Variants in TGM6 observed in about 807,000 individuals in gnomAD.
TGM6 encodes the protein protein-glutamine gamma-glutamyltransferase 6.
A neutral mutation model predicts 77.5 loss-of-function variants in TGM6; 74 were observed. The ratio of observed to expected loss-of-function variants is 0.96; its 90% CI spans 0.79 to 1.16. TGM6 has a LOEUF of 1.16. Ranked by LOEUF, TGM6 falls within the 50% of genes most tolerant of loss-of-function variation. The pLI is 0.00. For synonymous variants in TGM6, 383 were observed against 378.9 expected (o/e 1.01, Z -0.12); for missense variants, 968 against 940.2 (o/e 1.03, Z -0.39).
In TGM6 at chr20:2,398,007, C is replaced by T; in HGVS notation, c.633C>T (p.Arg211=). 1 of 1,614,168 alleles carries T rather than the reference C, an allele frequency of 6.2e-7. No individual in the cohort carries two copies. The change falls in exon 5 of 13, where the codon CGC becomes CGT. Residue 211 remains arginine (R), a synonymous_variant. Coordinates refer to ENST00000202625, the MANE Select transcript of TGM6 (RefSeq NM_198994.3). The part of the protein sequence containing the change: ...QNNPATDVSC[R]HNPIYVTRVI... ...ACCCAGCCACCGACGTGTCCTGCCG[C>T]CACAACCCCATCTACGTCACCAGGG... is the stretch of plus-strand genomic sequence containing the variant.
Position 2,417,283 on chromosome 20 carries a change from G to T in TGM6, c.1388G>T (p.Gly463Val). 1 of 1,611,586 alleles carries T rather than the reference G, an allele frequency of 6.2e-7. No homozygotes were observed. The highest frequency in any genetic ancestry group is 8.5e-7 in the Non-Finnish European group (1 of 1,178,988). ...VYSKAVNRLF[G>V]VEASGRRIWI... is the part of the protein sequence containing the mutation. ...AGCAAGGCGGTGAACAGGCTGTTCG[G>T]CGTGGAAGCCTCTGGAAGGAGAATC... Residue 463 changes from glycine (G) to valine (V), a missense_variant, in exon 10 of 13, where the codon GGC becomes GTC. Gly to Val is a moderately radical substitution (Grantham distance 109). Coordinates refer to ENST00000202625, the MANE Select transcript of TGM6 (RefSeq NM_198994.3).
chr20:2,399,595 G>A lies in TGM6; in HGVS notation c.707G>A (p.Gly236Glu), dbSNP rs562062418. 6.2e-7 allele frequency: 1 copy of A among 1,613,474 alleles called. No homozygotes were observed. Among genetic ancestry groups the A allele is most frequent in the Non-Finnish European group, 8.5e-7 (1 of 1,179,976 alleles). ...NSNNDRGVVQ[G>E]QWQGKYGGGT... Reference sequence around the variant, plus strand: ...AACAACGACCGAGGTGTGGTGCAAGGACAGTGGCAGGGCAAGTACGGCGGC... The same window carrying A: ...AACAACGACCGAGGTGTGGTGCAAGAACAGTGGCAGGGCAAGTACGGCGGC... Residue 236 changes from glycine (G) to glutamate (E), a missense_variant, in exon 6 of 13, where the codon GGA becomes GAA. Coordinates refer to ENST00000202625, the MANE Select transcript of TGM6 (RefSeq NM_198994.3).
chr20:2,423,211 A>G (rs1167753045), intron 10 of TGM6, among the ~76,000 whole-genome samples: 1 of 152,062 alleles, frequency 6.6e-6, no homozygotes, highest in African/African-American at 2.4e-5. Flanking sequence ...ATAAGACAAC[A>G]ACGAAATTCG....
intron 9 of TGM6, among the ~76,000 whole-genome samples, chr20:2,409,794 A>G: frequency 6.6e-6 from 1 of 152,170 alleles, no homozygotes; most frequent in South Asian, 2.1e-4. Flanking sequence ...ATTAAAGTGG[A>G]AATAAATGTT....
At chr20:2,430,836 C>T (rs1304107073) in intron 11 of TGM6, 58 bp from the exon 12 acceptor site, 16 of 1,613,500 alleles carry the variant, frequency 9.9e-6, no homozygotes, top group East Asian at 6.7e-5. Flanking sequence ...CCAGGACCAT[C>T]GGTTTCCTGG....
Position 2,397,926 on chromosome 20 carries a change from G to A in TGM6, c.552G>A (p.Glu184=). 3 of 1,614,106 alleles carry A rather than the reference G, an allele frequency of 1.9e-6. No individual in the cohort carries two copies. The highest frequency in any genetic ancestry group is 2.5e-6 in the Non-Finnish European group (3 of 1,180,006). ...AQGWNYGQFE[E]DILNICLSIL... The stretch of plus-strand genomic sequence containing the variant: ...GCCTCTCTGGGGAGCAGTTTGAGGA[G>A]GACATCCTGAACATCTGCCTCTCCA... Residue 184 remains glutamate (E), a synonymous_variant, in exon 5 of 13, where the codon GAG becomes GAA. Transcript: ENST00000202625.
At chr20:2,387,637 A>G (rs553019649) in intron 1 of TGM6, among the ~76,000 whole-genome samples, 11 of 152,358 alleles carry the variant, frequency 7.2e-5, no homozygotes, top group South Asian at 6.2e-4. Context: ...TCACAGGTGG[A>G]GAGCAGTTGG....
intron 1 of TGM6, among the ~76,000 whole-genome samples, chr20:2,382,780 C>A (rs575492163): frequency 6.6e-6 from 1 of 152,292 alleles, no homozygotes; most frequent in South Asian, 2.1e-4. Flanking sequence ...TCTATCCCCC[C>A]TCCCTCACTC....
intron 12 of TGM6, among the ~76,000 whole-genome samples, chr20:2,431,943 AG>A (rs1205307290): frequency 1.3e-5 from 2 of 152,222 alleles, no homozygotes; most frequent in Admixed American, 1.3e-4. Context: ...GAAAGCCCAG[AG>A]GGGGGAAGTT....
intron 10 of TGM6, among the ~76,000 whole-genome samples, chr20:2,421,111 C>A (rs537700866): frequency 6.8e-4 from 103 of 152,124 alleles, no homozygotes; most frequent in African/African-American, 1.8e-3. Flanking sequence ...CTCAGCCTCT[C>A]GAGTAGCTGG....
intron 9 of TGM6, among the ~76,000 whole-genome samples, chr20:2,413,558 C>T (rs1056304575): frequency 6.6e-6 from 1 of 152,066 alleles, no homozygotes; most frequent in Admixed American, 6.5e-5. Flanking sequence ...ATTCTACAAG[C>T]GTGTCAAGAC....
At chr20:2,420,525 G>A (rs2084849073) in intron 10 of TGM6, among the ~76,000 whole-genome samples, 1 of 152,184 alleles carries the variant, frequency 6.6e-6, no homozygotes, top group East Asian at 1.9e-4. Context: ...ACTCTGTGTT[G>A]TGCATTCTAT....
chr20:2,397,794 G>A, intron 4 of TGM6, 124 bp from the exon 5 acceptor site: 1 of 1,497,638 alleles, frequency 6.7e-7, no homozygotes, highest in East Asian at 2.3e-5. Flanking sequence ...GATGCCCCTG[G>A]TGGTTGGAGG....
rs1390968057 is a variant in TGM6 at position 2,395,443 on chromosome 20, G to T, written c.424+7G>T. The T allele has an allele frequency of 6.2e-7, 1 of 1,614,262 alleles. No individual in the cohort carries two copies. ...TTCAACCCATGGTGTGCAGGTAGGAGTGGCCAAGTCCAATGCAGAGGTTTT... is the reference window on the plus strand; with the variant it reads ...TTCAACCCATGGTGTGCAGGTAGGATTGGCCAAGTCCAATGCAGAGGTTTT... On this transcript the variant is annotated splice_region_variant and intron_variant, in intron 3 of 12. Coordinates refer to ENST00000202625, the MANE Select transcript of TGM6 (RefSeq NM_198994.3).
intron 1 of TGM6, among the ~76,000 whole-genome samples, chr20:2,384,053 G>C (rs1379178123): frequency 2.0e-5 from 3 of 146,546 alleles, no homozygotes; most frequent in Non-Finnish European, 4.4e-5. Context: ...CTTGCAGTGA[G>C]CAGAAATTGT....
chr20:2,389,610 C>T (rs2084617604), intron 1 of TGM6, among the ~76,000 whole-genome samples: 1 of 152,124 alleles, frequency 6.6e-6, no homozygotes, highest in South Asian at 2.1e-4. Context: ...ATTGACACAT[C>T]TTACCTACCT....
intron 5 of TGM6, among the ~76,000 whole-genome samples, chr20:2,399,354 A>T (rs2084689433): frequency 6.6e-6 from 1 of 152,204 alleles, no homozygotes; most frequent in Non-Finnish European, 1.5e-5. Context: ...ACAACACAGT[A>T]TCCAAATGGA....
chr20:2,382,710 C>G (rs2084564643), intron 1 of TGM6, among the ~76,000 whole-genome samples: 1 of 152,116 alleles, frequency 6.6e-6, no homozygotes, highest in Non-Finnish European at 1.5e-5. Flanking sequence ...ACACTCTGTG[C>G]CTGAATGACT....
In TGM6 at chr20:2,400,588, G is replaced by A. The variant is rs73569452; in HGVS notation, c.989+144G>A. On this transcript the variant is annotated intron_variant, in intron 7 of 12. Coordinates refer to ENST00000202625, the MANE Select transcript of TGM6 (RefSeq NM_198994.3). The stretch of plus-strand genomic sequence containing the variant: ...TGAGCCGGCTCTGGAGGGAGTGAGA[G>A]GCGCCCTGCGGATAGTGGTGCCTCT... The A allele has an allele frequency of 4.4e-3, 5,120 of 1,166,040 alleles. 169 individuals are homozygous for A. The African/African-American group carries it at 0.07, about 16-fold the overall frequency. The allele number at this position is 1,166,040 out of a possible 1,614,324, so 72.2% of individuals were successfully genotyped here. A position where few individuals can be genotyped will look rare whatever the true frequency, so the allele number is the denominator to read the frequency against.
Sources: gnomAD v4.1 joint callset for allele counts (sites outside exome capture counted in the v4.1 genomes callset) on GRCh38, gnomAD v4.1.1 for gene constraint, MANE v1.5 for transcripts, NCBI Gene and HGNC (gene_info 2026-07-23, HGNC 2026-07-21) for gene names.